Variants in CHD1 observed in about 807,000 individuals in gnomAD.
CHD1 encodes chromodomain helicase DNA binding protein 1.
Under a neutral mutation model 224.2 loss-of-function variants are expected in CHD1, and 36 were observed. That is an observed-to-expected ratio of 0.16 (90% CI 0.12 to 0.21). The LOEUF is 0.21. Among genes scored for constraint, CHD1 ranks in the 10% least tolerant of loss-of-function variants. CHD1 has a pLI of 1.00. For synonymous variants in CHD1, 668 were observed against 658.3 expected, an observed-to-expected ratio of 1.01 and a Z score of -0.23; for missense variants, 1,378 against 1,994.8, an observed-to-expected ratio of 0.69 and a Z score of 5.89.
chr5:98,886,674 T>A (rs769364278), intron 17 of CHD1, among the ~76,000 whole-genome samples: 4 of 152,132 alleles, frequency 2.6e-5, no homozygotes, highest in Non-Finnish European at 5.9e-5. Context: ...TCTAAGTGGT[T>A]TAAATGAAGT....
chr5:98,895,702 G>C (rs1251621967), intron 12 of CHD1, among the ~76,000 whole-genome samples: 1 of 145,794 alleles, frequency 6.9e-6, no homozygotes, highest in Non-Finnish European at 1.5e-5. Context: ...GCAATGAGCC[G>C]AGATCACACC....
At chr5:98,868,955 T>C in intron 30 of CHD1, 1 of 775,160 alleles carries the variant, frequency 1.3e-6, no homozygotes, top group Non-Finnish European at 1.6e-6. Flanking sequence ...TTTAGTCTCC[T>C]AAAATGTAAA....
intron 18 of CHD1, 53 bp downstream of exon 18, chr5:98,885,525 T>C (rs1750590759): frequency 3.7e-6 from 4 of 1,068,516 alleles, no homozygotes; most frequent in Middle Eastern, 2.4e-4. Flanking sequence ...AATAATGTAA[T>C]ATACTGATAC....
chr5:98,913,779 A>T (rs1379169355), intron 2 of CHD1, among the ~76,000 whole-genome samples: 1 of 147,510 alleles, frequency 6.8e-6, no homozygotes, highest in African/African-American at 2.7e-5. Flanking sequence ...TTTTATTTTC[A>T]TAATACAAAT....
intron 7 of CHD1, 122 bp downstream of exon 7, chr5:98,900,689 T>C: frequency 1.2e-6 from 1 of 808,470 alleles, no homozygotes; most frequent in Non-Finnish European, 2.0e-6. Context: ...CTAGAACTCC[T>C]GATCCATCGG....
chr5:98,881,442 TATTA>T, intron 20 of CHD1, 67 bp from the exon 21 acceptor site: 3 of 696,944 alleles, frequency 4.3e-6, no homozygotes, highest in Non-Finnish European at 7.1e-6. Context: ...ACAGCACTTT[TATTA>T]ATTACTGACA....
Position 98,863,662 on chromosome 5 carries a change from A to G in CHD1, c.4249-76T>C, listed in dbSNP as rs576976052. The G allele has an allele frequency of 2.6e-5, 24 of 931,290 alleles. No individual in the cohort carries two copies. In the South Asian group the frequency reaches 3.6e-4, roughly 14 times the overall value. The allele number at this position is 931,290 out of a possible 1,614,324, so 57.7% of individuals were successfully genotyped here. On this transcript the variant is annotated intron_variant, in intron 31 of 35. Transcript: ENST00000614616. ...TCAACAAGGTCTACCTCCTTCAATG[A>G]TATTTACATGAGTATAATATTATAA... is the stretch of plus-strand genomic sequence containing the variant.
intron 19 of CHD1, 52 bp downstream of exon 19, chr5:98,883,036 A>G: frequency 8.4e-7 from 1 of 1,194,474 alleles, no homozygotes; most frequent in Non-Finnish European, 1.1e-6. Context: ...CTTCCAAAAA[A>G]AAAAAAAGAA....
chr5:98,862,573 TTTAA>T (rs1269275817), intron 32 of CHD1, among the ~76,000 whole-genome samples: 1 of 152,248 alleles, frequency 6.6e-6, no homozygotes, highest in East Asian at 1.9e-4. Flanking sequence ...TTTCAAATTC[TTTAA>T]TTCTTTGCTC....
chr5:98,889,113 T>A lies in CHD1; in HGVS notation c.2306A>T (p.Asp769Val), dbSNP rs148446729. The stretch of plus-strand genomic sequence containing the variant: ...CTGTTTATTATAGAATTCATTATTA[T>A]CTGGTGGTTTAATGAGGTAGCAATG... ...CNHCYLIKPP[D>V]NNEFYNKQEA... is the part of the protein sequence containing the mutation. Residue 769 changes from aspartate (D) to valine (V), a missense_variant, in exon 16 of 36, where the codon GAT becomes GTT. By Grantham distance (152) the Asp-to-Val change is radical. Coordinates refer to ENST00000614616, the MANE Select transcript of CHD1 (RefSeq NM_001270.4). The A allele has an allele frequency of 7.5e-6, 12 of 1,599,410 alleles. No homozygotes were observed. Among genetic ancestry groups the A allele is most frequent in the Non-Finnish European group, 1.0e-5 (12 of 1,168,056 alleles).
At chr5:98,906,060 A>T (rs958472849) in intron 2 of CHD1, among the ~76,000 whole-genome samples, 2 of 152,120 alleles carry the variant, frequency 1.3e-5, no homozygotes, top group Non-Finnish European at 2.9e-5. Context: ...ATGCCACCAG[A>T]TGGAGGTATT....
At position 98,914,517 on chromosome 5, in the gene CHD1, GA is replaced by G. The variant is rs150899249; in HGVS notation, c.54-9420del. On this transcript the variant is annotated intron_variant, in intron 2 of 35. Transcript: ENST00000614616. ...TTTCTATTGGGAACAAAATGCCATA[GA>G]AAAAAAAAATACCTTATGTGAAAGT... Among the ~76,000 whole-genome samples the G allele has an allele frequency of 1.3e-4, 19 of 147,766 alleles. 1 individual carries two copies. The highest frequency in any genetic ancestry group is 2.2e-4 in the African/African-American group (9 of 40,184).
intron 2 of CHD1, among the ~76,000 whole-genome samples, chr5:98,918,128 G>A (rs1752863221): frequency 6.6e-6 from 1 of 151,368 alleles, no homozygotes; most frequent in Non-Finnish European, 1.5e-5. Flanking sequence ...CACGATCTCG[G>A]CTCACTGCAA....
chr5:98,897,271 T>C lies in CHD1; in HGVS notation c.1415A>G (p.Tyr472Cys), dbSNP rs1436776761. 5.0e-6 allele frequency: 8 copies of C among 1,611,460 alleles called. No homozygotes were observed. In the South Asian group the frequency reaches 6.6e-5, roughly 13 times the overall value. Residue 472 changes from tyrosine (Y) to cysteine (C), a missense_variant, in exon 11 of 36, where the codon TAT (tyrosine) becomes TGT (cysteine). Physicochemically the swap from Tyr to Cys is radical, Grantham distance 194. Around this residue, in one of 16 missense-constraint regions of CHD1, gnomAD observed 86 missense variants for 97.7 expected, o/e 0.88. Coordinates refer to ENST00000614616, the MANE Select transcript of CHD1 (RefSeq NM_001270.4). ...TTCTAAGCCCTCATGTCCTCCAATA[T>C]AGGATGGCTGCTTCTTCAGGGCTAC... ...RFVALKKQPS[Y>C]IGGHEGLELR...
intron 7 of CHD1, among the ~76,000 whole-genome samples, chr5:98,900,057 C>T (rs1257675931): frequency 2.6e-5 from 4 of 151,884 alleles, no homozygotes; most frequent in South Asian, 4.1e-4. Context: ...CCGAGGCGGG[C>T]GGATCACGAG....
Position 98,854,215 on chromosome 5 carries a change from A to G in CHD1, c.*2165T>C, listed in dbSNP as rs1378551982. 2 of 152,060 alleles carry G rather than the reference A, an allele frequency of 1.3e-5. No homozygotes were observed. The highest frequency in any genetic ancestry group is 2.9e-5 in the Non-Finnish European group (2 of 67,900). The allele number at this position is 152,060 out of a possible 1,614,324, so 9.4% of individuals were successfully genotyped here. ...AAATGAACATATTTTATCATTTGAT[A>G]AATGTACATACAGTTCTATATTTTT... is the stretch of plus-strand genomic sequence containing the variant. On this transcript the variant is annotated 3_prime_UTR_variant, in exon 36 of 36. Transcript: ENST00000614616.
chr5:98,867,805 T>TG (rs1248922147), intron 31 of CHD1, among the ~76,000 whole-genome samples: 1 of 147,070 alleles, frequency 6.8e-6, no homozygotes, highest in Non-Finnish European at 1.5e-5. Flanking sequence ...GTTTTTTTTT[T>TG]TTTTTTTTTT....
intron 29 of CHD1, among the ~76,000 whole-genome samples, chr5:98,870,153 T>C (rs1301398110): frequency 6.6e-6 from 1 of 152,200 alleles, no homozygotes; most frequent in Non-Finnish European, 1.5e-5. Flanking sequence ...TCTGAGATTA[T>C]TATGGCCTTC....
At chr5:98,916,351 G>T in intron 2 of CHD1, among the ~76,000 whole-genome samples, 1 of 151,700 alleles carries the variant, frequency 6.6e-6, no homozygotes, top group South Asian at 2.1e-4. Context: ...TTCGAGACCA[G>T]CCTGACCACC....
Sources: gnomAD v4.1 joint callset for allele counts (sites outside exome capture counted in the v4.1 genomes callset) on GRCh38, gnomAD v4.1.1 for gene constraint, gnomAD v4.1.1 regional missense constraint, MANE v1.5 for transcripts, NCBI Gene and HGNC (gene_info 2026-07-23, HGNC 2026-07-21) for gene names.